CYP3A4: variants seen among roughly 807,000 people sequenced by gnomAD.
CYP3A4 encodes the protein cytochrome P450 3A4.
In CYP3A4, 41 loss-of-function variants were observed where a neutral mutation model predicts 54.9. The observed-to-expected ratio is 0.75, with a 90% CI of 0.58 to 0.97. The LOEUF (loss-of-function observed/expected upper bound fraction) is 0.97, where lower values mean the gene tolerates loss of function less well. CYP3A4 is among the 50% of genes least tolerant of loss of function. The pLI is 0.00. For missense variants in CYP3A4, 510 were observed against 597.3 expected, an observed-to-expected ratio of 0.85 and a Z score of 1.52; for synonymous variants, 179 against 205.2, an observed-to-expected ratio of 0.87 and a Z score of 1.09.
chr7:99,782,823 G>A (rs545223578), intron 1 of CYP3A4, among the ~76,000 whole-genome samples: 1 of 152,204 alleles, frequency 6.6e-6, no homozygotes, highest in South Asian at 2.1e-4. Flanking sequence ...AATGAACGTT[G>A]GGAAGGTATA....
At position 99,760,902 on chromosome 7, in the gene CYP3A4, T is replaced by C. The variant is rs1429995030; in HGVS notation, c.1333A>G (p.Met445Val). ...TTCATGTTCATGAGAGCAAACCTCA[T>C]GCCAATGCAGTTTCTGGGTCCACTT... The part of the protein sequence containing the change: ...FGSGPRNCIG[M>V]RFALMNMKLA... Residue 445 changes from methionine (M) to valine (V), a missense_variant, in exon 12 of 13, where the codon ATG becomes GTG. By Grantham distance (21) the Met-to-Val change is conservative (BLOSUM62 1). This residue lies in a region of CYP3A4 where 238 missense variants were observed against 322.5 expected (regional missense o/e 0.74). Transcript: ENST00000651514. 1.2e-6 allele frequency: 2 copies of C among 1,614,046 alleles called. No homozygotes were observed. Among genetic ancestry groups the C allele is most frequent in the African/African-American group, 2.7e-5 (2 of 74,944 alleles).
At chr7:99,771,778 T>C (rs945761099) in intron 4 of CYP3A4, among the ~76,000 whole-genome samples, 24 of 152,284 alleles carry the variant, frequency 1.6e-4, no homozygotes, top group Middle Eastern at 3.4e-3. Flanking sequence ...CAGTGATCAA[T>C]GGGACACAGT....
intron 9 of CYP3A4, among the ~76,000 whole-genome samples, chr7:99,765,437 T>C (rs1332190786): frequency 6.6e-6 from 1 of 152,010 alleles, no homozygotes; most frequent in East Asian, 1.9e-4. Context: ...AGATAGATGA[T>C]AGATGGATAA....
intron 1 of CYP3A4, among the ~76,000 whole-genome samples, chr7:99,782,942 A>C (rs1035608773): frequency 2.6e-5 from 4 of 152,198 alleles, no homozygotes; most frequent in African/African-American, 9.6e-5. Flanking sequence ...CATTTATTGT[A>C]ACAAATACTG....
chr7:99,769,640 G>A (rs1815574662), intron 6 of CYP3A4, 128 bp downstream of exon 6: 1 of 924,264 alleles, frequency 1.1e-6, no homozygotes, highest in Admixed American at 2.1e-5. Context: ...ACCCATTGAA[G>A]TTGCATTACC....
chr7:99,772,718 C>A, intron 3 of CYP3A4, 29 bp from the exon 4 acceptor site: 1 of 1,610,114 alleles, frequency 6.2e-7, no homozygotes, highest in Non-Finnish European at 8.5e-7. Context: ...GTTGATTAAA[C>A]ATCAACAGCC....
chr7:99,781,686 A>C (rs1479313341), intron 1 of CYP3A4, among the ~76,000 whole-genome samples: 1 of 152,188 alleles, frequency 6.6e-6, no homozygotes, highest in Non-Finnish European at 1.5e-5. Flanking sequence ...AATTAGGAAA[A>C]TGTAGCTGAA....
intron 1 of CYP3A4, among the ~76,000 whole-genome samples, chr7:99,782,803 G>C (rs1052011323): frequency 6.6e-6 from 1 of 152,076 alleles, no homozygotes; most frequent in African/African-American, 2.4e-5. Context: ...GTTTGAAATA[G>C]GGGTATTAAA....
chr7:99,762,322 T>C, intron 10 of CYP3A4, 55 bp from the exon 11 acceptor site: 1 of 1,582,498 alleles, frequency 6.3e-7, no homozygotes, highest in Non-Finnish European at 8.6e-7. Context: ...AACTTTTAAC[T>C]CAGTCCATGC....
rs1815222939 is a variant in CYP3A4, at chr7:99,758,063, G to A, written c.*70C>T. 1 of 1,252,500 alleles carries A rather than the reference G, an allele frequency of 8.0e-7. No homozygotes were observed. The highest frequency in any genetic ancestry group is 1.2e-5 in the South Asian group (1 of 83,300). 77.6% of individuals were successfully genotyped at this position (1,252,500 alleles called of 1,614,324 possible). The stretch of plus-strand genomic sequence containing the variant: ...TTCATTTCAGAGTTCTATTCACAAA[G>A]TAATTTGAGGTCTCTGGTGTTCTCA... On this transcript the variant is annotated 3_prime_UTR_variant, in exon 13 of 13. Coordinates refer to ENST00000651514, the MANE Select transcript of CYP3A4 (RefSeq NM_017460.6).
chr7:99,765,382 GATAGAT>G (rs1292101891), intron 9 of CYP3A4, among the ~76,000 whole-genome samples: 1 of 152,018 alleles, frequency 6.6e-6, no homozygotes, highest in Non-Finnish European at 1.5e-5. Context: ...GTTATATTGG[GATAGAT>G]AGATGAATAG....
chr7:99,781,407 G>C (rs1231210529), intron 1 of CYP3A4, among the ~76,000 whole-genome samples: 1 of 152,196 alleles, frequency 6.6e-6, no homozygotes, highest in Admixed American at 6.5e-5. Flanking sequence ...TCACAAAGCA[G>C]TCAGTTTATT....
intron 1 of CYP3A4, among the ~76,000 whole-genome samples, chr7:99,781,730 C>T (rs1815930760): frequency 6.6e-6 from 1 of 152,202 alleles, no homozygotes; most frequent in Non-Finnish European, 1.5e-5. Flanking sequence ...CCATATGCTT[C>T]ATATGGGCTT....
At chr7:99,783,606 CTTTTTTTTTTTT>C (rs11432957) in intron 1 of CYP3A4, among the ~76,000 whole-genome samples, 1 of 103,826 alleles carries the variant, frequency 9.6e-6, no homozygotes, top group African/African-American at 3.5e-5. Context: ...CCTTGAACAT[CTTTTTTTTTTTT>C]TTTTTTTTTT....
Position 99,769,755 on chromosome 7 carries a change from C to G in CYP3A4, c.521+13G>C. ...ATGACAGCTCAGAACCCCATGGCTG[C>G]GCTTCTACTTACTCTTTCAAGGTGA... is the stretch of plus-strand genomic sequence containing the variant. On this transcript the variant is annotated intron_variant, in intron 6 of 12. Transcript: ENST00000651514. 6.2e-7 allele frequency: 1 copy of G among 1,613,620 alleles called. No individual in the cohort carries two copies. The highest frequency in any genetic ancestry group is 1.7e-5 in the Admixed American group (1 of 59,994).
In CYP3A4 at chr7:99,757,936, C is replaced by T. The variant is rs1476490585; in HGVS notation, c.*197G>A. ...CCTCCTCACACTGATTTGGTCACCTCCTTTATATTCCCAAGTATAACACTC... is the reference window on the plus strand; with the variant it reads ...CCTCCTCACACTGATTTGGTCACCTTCTTTATATTCCCAAGTATAACACTC... On this transcript the variant is annotated 3_prime_UTR_variant, in exon 13 of 13. Coordinates refer to ENST00000651514, the MANE Select transcript of CYP3A4 (RefSeq NM_017460.6). The T allele has an allele frequency of 3.7e-6, 2 of 547,318 alleles. No individual in the cohort carries two copies. The highest frequency in any genetic ancestry group is 6.4e-5 in the East Asian group (2 of 31,484). The allele number at this position is 547,318 out of a possible 1,614,324, so 33.9% of individuals were successfully genotyped here. A position where few individuals can be genotyped will look rare whatever the true frequency, so the allele number is the denominator to read the frequency against.
In CYP3A4 at chr7:99,762,156, CT is replaced by C. The variant is rs1183533325; in HGVS notation, c.1137del (p.Asp380MetfsTer15). The C allele has an allele frequency of 6.2e-7, 1 of 1,614,072 alleles. No individual in the cohort carries two copies. Among genetic ancestry groups the C allele is most frequent in the Middle Eastern group, 1.6e-4 (1 of 6,062 alleles). On this transcript the variant is annotated frameshift_variant, in exon 11 of 13. Transcript: ENST00000651514. LOFTEE classifies it high-confidence loss of function. ...IAMRLERVCK[K>X]DVEINGMFIP... is the part of the protein sequence containing the mutation. ...ATGAACATCCCATTGATCTCAACAT[CT>C]TTTTTGCAGACCCTCTCAAGTCTCA...
chr7:99,782,428 G>T (rs1233054799), intron 1 of CYP3A4, among the ~76,000 whole-genome samples: 3 of 152,186 alleles, frequency 2.0e-5, no homozygotes, highest in Non-Finnish European at 4.4e-5. Context: ...GGAGGGCATT[G>T]TCTGCACTAC....
chr7:99,777,432 A>G (rs1010571898), intron 3 of CYP3A4, among the ~76,000 whole-genome samples: 2 of 151,958 alleles, frequency 1.3e-5, no homozygotes. Context: ...AAAGTTTTAC[A>G]ATAACCAGTG....
Sources: gnomAD v4.1 joint callset for allele counts (sites outside exome capture counted in the v4.1 genomes callset) on GRCh38, gnomAD v4.1.1 for gene constraint, gnomAD v4.1.1 regional missense constraint, MANE v1.5 for transcripts, NCBI Gene and HGNC (gene_info 2026-07-23, HGNC 2026-07-21) for gene names.